MINAR1: variants seen among roughly 807,000 people sequenced by gnomAD.
MINAR1 encodes membrane integral NOTCH2 associated receptor 1.
In MINAR1, 40 loss-of-function variants were observed where a neutral mutation model predicts 65.1. That is an observed-to-expected ratio of 0.61 (90% confidence interval 0.48 to 0.80). The LOEUF is 0.80. Ranked by LOEUF, MINAR1 falls within the 30% of genes least tolerant of loss-of-function variation. MINAR1 has a pLI of 0.00. For synonymous variants in MINAR1, 482 were observed against 449.1 expected (o/e 1.07, Z -0.93); for missense variants, 1,128 against 1,148.0 (o/e 0.98, Z 0.25).
At chr15:79,419,227 C>T in the MINAR1 span, 12 of 152,094 alleles carry the variant, frequency 7.9e-5, no homozygotes, top group African/African-American at 2.2e-4. Flanking sequence ...TTTCCTGCCC[C>T]GGGATTATTC....
At chr15:79,445,547 G>GTTAT in intron 1 of MINAR1, among the ~76,000 whole-genome samples, 1 of 71,108 alleles carries the variant, frequency 1.4e-5, no homozygotes, top group South Asian at 4.9e-4. Flanking sequence ...TTCTGTGACA[G>GTTAT]TTATTTTTTT....
In MINAR1 at chr15:79,456,776, A is replaced by C; in HGVS notation, c.629A>C (p.Glu210Ala). 1 of 1,614,176 alleles carries C rather than the reference A, an allele frequency of 6.2e-7. No individual in the cohort carries two copies. The highest frequency in any genetic ancestry group is 8.5e-7 in the Non-Finnish European group (1 of 1,180,018). ...TCTGTGACCAGCCCTCAGCCCTGTG[A>C]GATGCAGAGGACCTACTTCCCCATG... ...PYSVTSPQPCEMQRTYFPMNI... is the reference protein window; with the variant it reads ...PYSVTSPQPCAMQRTYFPMNI... The change falls in exon 2 of 4, where the codon GAG (glutamate) becomes GCG (alanine). Residue 210 changes from glutamate (E) to alanine (A), a missense_variant. Physicochemically the swap from Glu to Ala is moderately radical, Grantham distance 107. Transcript: ENST00000305428.
intron 3 of MINAR1, chr15:79,463,836 G>A: frequency 2.3e-6 from 1 of 443,370 alleles, no homozygotes; most frequent in Non-Finnish European, 4.6e-6. Context: ...CACAAGCAGG[G>A]CTGGGTTTTG....
In MINAR1 at chr15:79,458,243, T is replaced by TA. The variant is rs748072217; in HGVS notation, c.2104dup (p.Ser702LysfsTer9). On this transcript the variant is annotated frameshift_variant, in exon 2 of 4. Transcript: ENST00000305428. LOFTEE classifies it high-confidence loss of function. ...AGTGAAAGCCTGCGGGTCAAGGCCT[T>TA]AAAAAAAAGCCTCTTCACCAGGCCA... is the stretch of plus-strand genomic sequence containing the variant. 1.9e-6 allele frequency: 3 copies of TA among 1,612,938 alleles called. No individual in the cohort carries two copies. Among genetic ancestry groups the TA allele is most frequent in the Non-Finnish European group, 1.7e-6 (2 of 1,179,554 alleles).
At chr15:79,431,399 C>T (rs1417031478), upstream of MINAR1, among the ~76,000 whole-genome samples, 1 of 152,012 alleles carries the variant, frequency 6.6e-6, no homozygotes, top group Non-Finnish European at 1.5e-5. Context: ...CTCCAGCACA[C>T]AGGGTGACAC....
chr15:79,449,802 A>T (rs1895132767), intron 1 of MINAR1, among the ~76,000 whole-genome samples: 1 of 151,776 alleles, frequency 6.6e-6, no homozygotes, highest in African/African-American at 2.4e-5. Flanking sequence ...GTCCAGCTCC[A>T]CCTCCTTCTC....
chr15:79,448,528 A>G (rs762125155), intron 1 of MINAR1, among the ~76,000 whole-genome samples: 3 of 152,248 alleles, frequency 2.0e-5, no homozygotes, highest in Non-Finnish European at 4.4e-5. Flanking sequence ...ACAAAATTCA[A>G]AACAAGCAGG....
upstream of MINAR1, among the ~76,000 whole-genome samples, chr15:79,430,493 G>A (rs556054757): frequency 6.6e-6 from 1 of 152,118 alleles, no homozygotes; most frequent in Non-Finnish European, 1.5e-5. Flanking sequence ...TGAACTCAAA[G>A]GACAATGAGG....
upstream of MINAR1, among the ~76,000 whole-genome samples, chr15:79,431,058 T>C (rs80242461): frequency 0.016 from 2,430 of 152,140 alleles, 68 homozygotes; most frequent in African/African-American, 0.053. Flanking sequence ...TTTGCTCCGA[T>C]CACAGGTAGC....
intron 1 of MINAR1, among the ~76,000 whole-genome samples, chr15:79,450,876 C>T (rs150266006): frequency 5.3e-5 from 8 of 152,272 alleles, no homozygotes; most frequent in African/African-American, 1.7e-4. Context: ...TACAGCTGTT[C>T]CATGAGTGAC....
chr15:79,468,332 C>T lies in MINAR1; in HGVS notation c.2699C>T (p.Ala900Val). Reference sequence around the variant, plus strand: ...ATAGCTGCTCTGATCGCTGCTGCGGCATGCACCGTCATCCTCGTTATTGTC... The same window carrying T: ...ATAGCTGCTCTGATCGCTGCTGCGGTATGCACCGTCATCCTCGTTATTGTC... ...CKIAALIAAA[A>V]CTVILVIVVP... The change falls in exon 4 of 4, where the codon GCA becomes GTA. Residue 900 changes from alanine to valine, a missense_variant. Physicochemically the swap from Ala to Val is moderately conservative, Grantham distance 64 (BLOSUM62 0). Coordinates refer to ENST00000305428, the MANE Select transcript of MINAR1 (RefSeq NM_015206.3). 1.9e-6 allele frequency: 3 copies of T among 1,614,126 alleles called. No individual in the cohort carries two copies. The South Asian group carries it at 3.3e-5, about 18-fold the overall frequency.
chr15:79,431,998 G>A (rs531966545), upstream of MINAR1, among the ~76,000 whole-genome samples: 49 of 152,250 alleles, frequency 3.2e-4, no homozygotes, highest in South Asian at 0.01. Flanking sequence ...CTCAGTTGCT[G>A]CCCGTGCGCC....
At chr15:79,429,197 CTTA>C (rs1182363244), upstream of MINAR1, among the ~76,000 whole-genome samples, 2 of 152,126 alleles carry the variant, frequency 1.3e-5, no homozygotes, top group Non-Finnish European at 2.9e-5. Context: ...GAATAGGACA[CTTA>C]TTGAGACTGG....
At chr15:79,453,539 C>T (rs1214031595) in intron 1 of MINAR1, among the ~76,000 whole-genome samples, 4 of 152,184 alleles carry the variant, frequency 2.6e-5, no homozygotes, top group Non-Finnish European at 5.9e-5. Context: ...TCCTGTTCCA[C>T]TGCTACAGAG....
rs1265921731 is a variant in MINAR1 at position 79,471,782 on chromosome 15, A to G, written c.*3398A>G. 1 of 152,470 alleles carries G rather than the reference A, an allele frequency of 6.6e-6. No homozygotes were observed. Among genetic ancestry groups the G allele is most frequent in the Non-Finnish European group, 1.5e-5 (1 of 68,018 alleles). The allele number at this position is 152,470 out of a possible 1,614,324, so 9.4% of individuals were successfully genotyped here. ...ACAATAAAAGATTTTGTTAAGTGGTATAAAAATTTGTGAATGTTGAAATTC... is the reference window on the plus strand; with the variant it reads ...ACAATAAAAGATTTTGTTAAGTGGTGTAAAAATTTGTGAATGTTGAAATTC... On this transcript the variant is annotated 3_prime_UTR_variant, in exon 4 of 4. Transcript: ENST00000305428.
intron 1 of MINAR1, among the ~76,000 whole-genome samples, chr15:79,445,634 C>T (rs562611859): frequency 1.1e-4 from 17 of 150,786 alleles, no homozygotes; most frequent in Middle Eastern, 3.4e-3. Context: ...CCGCAACCTC[C>T]ACCTCCCAGG....
intron 1 of MINAR1, among the ~76,000 whole-genome samples, chr15:79,452,630 G>A (rs1595942675): frequency 8.3e-6 from 1 of 119,802 alleles, no homozygotes; most frequent in Admixed American, 7.7e-5. Flanking sequence ...GGATGAGTCT[G>A]TGTGTGTGTG....
chr15:79,431,827 G>A (rs111304528), upstream of MINAR1, among the ~76,000 whole-genome samples: 1,820 of 152,308 alleles, frequency 0.012, 37 homozygotes, highest in African/African-American at 0.042. Flanking sequence ...CTTTCCCCTC[G>A]GCGCTGCAGC....
chr15:79,463,235 G>A lies in MINAR1; in HGVS notation c.2467G>A (p.Val823Met), dbSNP rs761087017. Reference protein sequence around the residue: ...TDMRLTELAEVKRGQPSWTIE... With the variant: ...TDMRLTELAEMKRGQPSWTIE... Reference sequence around the variant, plus strand: ...CATGCGGCTGACCGAGTTGGCCGAGGTGAAGCGGGGCCAACCTTCTTGGAC... The same window carrying A: ...CATGCGGCTGACCGAGTTGGCCGAGATGAAGCGGGGCCAACCTTCTTGGAC... Residue 823 changes from valine to methionine, a missense_variant, in exon 3 of 4, where the codon GTG (valine) becomes ATG (methionine). By Grantham distance (21) the Val-to-Met change is conservative. Transcript: ENST00000305428. 7 of 1,614,246 alleles carry A rather than the reference G, an allele frequency of 4.3e-6. No homozygotes were observed. The highest frequency in any genetic ancestry group is 5.9e-6 in the Non-Finnish European group (7 of 1,180,052).
Sources: gnomAD v4.1 joint callset for allele counts (sites outside exome capture counted in the v4.1 genomes callset) on GRCh38, gnomAD v4.1.1 for gene constraint, MANE v1.5 for transcripts, NCBI Gene and HGNC (gene_info 2026-07-23, HGNC 2026-07-21) for gene names.